The following ICA1 variants were observed in gnomAD, a reference collection of about 807,000 sequenced individuals.
The protein encoded by ICA1 is islet cell autoantigen 1, also known as 69 kDa islet cell autoantigen.
In ICA1, 40 loss-of-function variants were observed where a neutral mutation model predicts 71.0. The observed-to-expected ratio is 0.56, with a 90% confidence interval of 0.44 to 0.73. The LOEUF (loss-of-function observed/expected upper bound fraction) is 0.73, where lower values mean the gene tolerates loss of function less well. ICA1 is among the 30% of genes least tolerant of loss of function. The pLI is 0.00. For synonymous variants in ICA1, 207 were observed against 209.5 expected, an observed-to-expected ratio of 0.99 and a Z score of 0.10; for missense variants, 578 against 576.5, an observed-to-expected ratio of 1.00 and a Z score of -0.03.
chr7:8,175,632 T>C (rs759576522), intron 6 of ICA1, among the ~76,000 whole-genome samples: 7 of 152,174 alleles, frequency 4.6e-5, no homozygotes, highest in Non-Finnish European at 1.0e-4. Context: ...TTTCAGATAA[T>C]AGTGGAAAAG....
chr7:8,121,284 C>T (rs1786815411), intron 13 of ICA1, among the ~76,000 whole-genome samples: 2 of 152,116 alleles, frequency 1.3e-5, no homozygotes, highest in South Asian at 4.1e-4. Flanking sequence ...TGCCATCCAG[C>T]CAGCCAGCCA....
At chr7:8,117,211 T>C (rs1785087206) in intron 13 of ICA1, among the ~76,000 whole-genome samples, 1 of 152,178 alleles carries the variant, frequency 6.6e-6, no homozygotes, top group Non-Finnish European at 1.5e-5. Flanking sequence ...GAACTGTGAG[T>C]CACTTAAACC....
intron 1 of ICA1, among the ~76,000 whole-genome samples, chr7:8,259,513 T>C (rs1441376751): frequency 6.6e-6 from 1 of 152,246 alleles, no homozygotes; most frequent in Non-Finnish European, 1.5e-5. Context: ...GCATTCTTTT[T>C]AGATACGGAT....
intron 6 of ICA1, among the ~76,000 whole-genome samples, chr7:8,199,648 A>G (rs1788876292): frequency 6.6e-6 from 1 of 152,234 alleles, no homozygotes; most frequent in African/African-American, 2.4e-5. Context: ...CAGGAGGCAG[A>G]GGTTGCAGTG....
intron 6 of ICA1, among the ~76,000 whole-genome samples, chr7:8,186,393 A>T (rs1783926685): frequency 6.6e-6 from 1 of 152,106 alleles, no homozygotes; most frequent in Admixed American, 6.5e-5. Flanking sequence ...GGACCTAGGG[A>T]AGGAGAGTGG....
intron 1 of ICA1, among the ~76,000 whole-genome samples, chr7:8,240,694 A>G (rs557726045): frequency 2.4e-4 from 37 of 152,334 alleles, no homozygotes; most frequent in African/African-American, 8.4e-4. Flanking sequence ...AGTAACTCAA[A>G]TAAACAGTGT....
chr7:8,152,812 C>CAAT (rs1799848154), intron 8 of ICA1, among the ~76,000 whole-genome samples: 1 of 137,752 alleles, frequency 7.3e-6, no homozygotes, highest in Non-Finnish European at 1.6e-5. Flanking sequence ...ACCACCACCA[C>CAAT]CATCTCCTTC....
Position 8,158,625 on chromosome 7 carries a change from T to C in ICA1, c.607A>G (p.Lys203Glu), listed in dbSNP as rs760763922. Residue 203 changes from lysine to glutamate, a missense_variant, in exon 7 of 14, where the codon AAA (lysine) becomes GAA (glutamate). Coordinates refer to ENST00000402384, the MANE Select transcript of ICA1 (RefSeq NM_001136020.3). ...TCCATCTTCAATTTGTCAAAGTTTT[T>C]TTTTGCAAGGCGCACTTGTGTTTGT... is the stretch of plus-strand genomic sequence containing the variant. ...KVQTQVRLAKKNFDKLKMDVC... is the reference protein window; with the variant it reads ...KVQTQVRLAKENFDKLKMDVC... 1 of 1,614,154 alleles carries C rather than the reference T, an allele frequency of 6.2e-7. No individual in the cohort carries two copies. The highest frequency in any genetic ancestry group is 8.5e-7 in the Non-Finnish European group (1 of 1,180,010).
chr7:8,162,332 A>G (rs560938766), intron 6 of ICA1, among the ~76,000 whole-genome samples: 2 of 152,372 alleles, frequency 1.3e-5, no homozygotes, highest in East Asian at 3.9e-4. Flanking sequence ...AACAATGATT[A>G]TTAAAATACT....
Position 8,236,610 on chromosome 7 carries a change from AC to A in ICA1, c.-79-606del, listed in dbSNP as rs1801923221. 3.3e-5 allele frequency among the ~76,000 whole-genome samples: 5 copies of A among 152,362 alleles called. No individual in the cohort carries two copies. The South Asian group carries it at 1.0e-3, about 32-fold the overall frequency. ...CAAAATTTTAAAACCCCAAATAAAA[AC>A]CAAAAAAGGGTTGATATGCTTGAAT... On this transcript the variant is annotated intron_variant, in intron 1 of 13. Transcript: ENST00000402384.
chr7:8,200,338 C>CG (rs1554335452), intron 6 of ICA1, among the ~76,000 whole-genome samples: 1 of 67,964 alleles, frequency 1.5e-5, no homozygotes, highest in Non-Finnish European at 2.6e-5. Context: ...CACAGTTGAG[C>CG]AAAAAAAAAA....
intron 1 of ICA1, among the ~76,000 whole-genome samples, chr7:8,247,552 A>G (rs1806521904): frequency 1.3e-5 from 2 of 152,208 alleles, no homozygotes; most frequent in Non-Finnish European, 2.9e-5. Context: ...GTTTTTTCCT[A>G]ACACCCAAAG....
At chr7:8,228,024 T>TA (rs3840618) in intron 4 of ICA1, among the ~76,000 whole-genome samples, 10,975 of 152,184 alleles carry the variant, frequency 0.072, 1,061 homozygotes, top group African/African-American at 0.22. Context: ...ATATATACAT[T>TA]ATATTATTAA....
chr7:8,205,542 T>C (rs1791221214), intron 6 of ICA1, among the ~76,000 whole-genome samples: 1 of 152,200 alleles, frequency 6.6e-6, no homozygotes. Context: ...TTTTTAAACT[T>C]GAACATTAGG....
chr7:8,158,106 G>C (rs144323034), intron 7 of ICA1, among the ~76,000 whole-genome samples: 54 of 152,192 alleles, frequency 3.5e-4, no homozygotes, highest in African/African-American at 1.0e-3. Flanking sequence ...GGCTATCAGG[G>C]GAAACAAAAA....
At chr7:8,139,093 G>A (rs367771282) in intron 10 of ICA1, 46 bp from the exon 11 acceptor site, 3 of 1,456,890 alleles carry the variant, frequency 2.1e-6, no homozygotes, top group Non-Finnish European at 2.9e-6. Flanking sequence ...TCGAAATGGT[G>A]TGCATGTTCA....
rs1798653513 is a variant in ICA1 at position 8,226,500 on chromosome 7, T to C, written c.256+2101A>G. On this transcript the variant is annotated intron_variant, in intron 4 of 13. Coordinates refer to ENST00000402384, the MANE Select transcript of ICA1 (RefSeq NM_001136020.3). This position sits in a 1 kb window ranked among gnomAD's most constrained non-coding sequence, Gnocchi z 4.4. ...CTATAGATACGCTTTTATGTTTTGC[T>C]TCTTTCACTTAAAAGCATATCCTCC... 6.6e-6 allele frequency among the ~76,000 whole-genome samples: 1 copy of C among 152,228 alleles called. No homozygotes were observed. Among genetic ancestry groups the C allele is most frequent in the South Asian group, 2.1e-4 (1 of 4,834 alleles).
At chr7:8,127,064 C>T (rs185322426) in intron 13 of ICA1, among the ~76,000 whole-genome samples, 26 of 152,016 alleles carry the variant, frequency 1.7e-4, no homozygotes, top group Admixed American at 3.3e-4. Context: ...AACTTTGCCT[C>T]CTGGGTTCAA....
At chr7:8,252,833 G>C (rs1156400876) in intron 1 of ICA1, among the ~76,000 whole-genome samples, 1 of 150,524 alleles carries the variant, frequency 6.6e-6, no homozygotes, top group East Asian at 1.9e-4. Flanking sequence ...GAATATTTTG[G>C]GTTAGATCAA....
Sources: gnomAD v4.1 joint callset for allele counts (sites outside exome capture counted in the v4.1 genomes callset) on GRCh38, gnomAD v4.1.1 for gene constraint, Gnocchi (gnomAD v3.1) non-coding constraint, MANE v1.5 for transcripts, NCBI Gene and HGNC (gene_info 2026-07-23, HGNC 2026-07-21) for gene names.